The following CGRRF1 variants were observed in gnomAD, a reference collection of about 807,000 sequenced individuals.
The protein encoded by CGRRF1 is cell growth regulator with ring finger domain 1.
A neutral mutation model predicts 37.2 loss-of-function variants in CGRRF1; 32 were observed. That is an observed-to-expected ratio of 0.86 (90% CI 0.65 to 1.16). The LOEUF (loss-of-function observed/expected upper bound fraction) is 1.16, where lower values mean the gene tolerates loss of function less well. CGRRF1 is among the 50% of genes most tolerant of loss of function. The pLI is 0.00. For synonymous variants in CGRRF1, 141 were observed against 140.3 expected, an observed-to-expected ratio of 1.00 and a Z score of -0.04; for missense variants, 391 against 382.6, an observed-to-expected ratio of 1.02 and a Z score of -0.18.
intron 4 of CGRRF1, among the ~76,000 whole-genome samples, chr14:54,532,603 AAAAATAC>A (rs2032534079): frequency 6.6e-6 from 1 of 152,236 alleles, no homozygotes; most frequent in South Asian, 2.1e-4. Context: ...TATATACAAT[AAAAATAC>A]AAAATACAAA....
At chr14:54,522,921 T>C (rs1225047066) in intron 2 of CGRRF1, among the ~76,000 whole-genome samples, 2 of 152,230 alleles carry the variant, frequency 1.3e-5, no homozygotes, top group Non-Finnish European at 2.9e-5. Context: ...TGATGTGTTA[T>C]GTCTAAATAC....
At chr14:54,522,677 CTTCA>C in intron 2 of CGRRF1, 84 bp downstream of exon 2, 1 of 1,252,000 alleles carries the variant, frequency 8.0e-7, no homozygotes, top group South Asian at 1.5e-5. Context: ...ATTTCTTTCC[CTTCA>C]TTAGACTTTT....
intron 1 of CGRRF1, among the ~76,000 whole-genome samples, chr14:54,519,975 C>T (rs2032288095): frequency 1.3e-5 from 2 of 152,180 alleles, no homozygotes; most frequent in East Asian, 1.9e-4. Flanking sequence ...TTTCACGATG[C>T]CCTTCAAAGT....
rs2032483603 is a variant in CGRRF1 at position 54,530,064 on chromosome 14, C to T, written c.260C>T (p.Thr87Ile). The T allele has an allele frequency of 1.9e-6, 3 of 1,609,782 alleles. No individual in the cohort carries two copies. Among genetic ancestry groups the T allele is most frequent in the Non-Finnish European group, 2.5e-6 (3 of 1,176,794 alleles). The change falls in exon 3 of 6, where the codon ACA becomes ATA. Residue 87 changes from threonine (T) to isoleucine (I), a missense_variant. Coordinates refer to ENST00000216420, the MANE Select transcript of CGRRF1 (RefSeq NM_006568.3). ...SASITTGITLTTDCLEDSLLT... is the reference protein window; with the variant it reads ...SASITTGITLITDCLEDSLLT... ...TTTTTTACAGCTGGCATAACCTTGA[C>T]AACAGATTGCCTTGAAGATAGCCTC...
chr14:54,522,387 G>T, intron 1 of CGRRF1, 67 bp from the exon 2 acceptor site: 1 of 1,174,950 alleles, frequency 8.5e-7, no homozygotes. Flanking sequence ...AAGCACAACA[G>T]ATTTTACACA....
chr14:54,511,113 G>A (rs1174244247), intron 1 of CGRRF1, among the ~76,000 whole-genome samples: 1 of 152,322 alleles, frequency 6.6e-6, no homozygotes, highest in South Asian at 2.1e-4. Flanking sequence ...AGAAGGCTAC[G>A]TAAAACGAGT....
chr14:54,520,946 T>C lies in CGRRF1; in HGVS notation c.105-1508T>C, dbSNP rs543386081. Among the ~76,000 whole-genome samples the C allele has an allele frequency of 1.3e-3, 202 of 152,340 alleles. 1 individual carries two copies. Among genetic ancestry groups the C allele is most frequent in the African/African-American group, 4.8e-3 (200 of 41,584 alleles). Reference sequence around the variant, plus strand: ...CAAATAGGCTCCTAACTGTGCCGTCTTTAACTAAAATTTCCTAGTTTAACT... The same window carrying C: ...CAAATAGGCTCCTAACTGTGCCGTCCTTAACTAAAATTTCCTAGTTTAACT... On this transcript the variant is annotated intron_variant, in intron 1 of 5. Transcript: ENST00000216420.
Position 54,530,968 on chromosome 14 carries a change from T to C in CGRRF1, c.488T>C (p.Phe163Ser). 6.2e-7 allele frequency: 1 copy of C among 1,608,418 alleles called. No individual in the cohort carries two copies. Among genetic ancestry groups the C allele is most frequent in the Non-Finnish European group, 8.5e-7 (1 of 1,174,940 alleles). ...CCAAGAGATACTAAAATTGAAGACT[T>C]TGGTACAGTACCCAGATCTCGCTAT... ...QLPRDTKIED[F>S]GTVPRSRYPL... is the part of the protein sequence containing the mutation. Residue 163 changes from phenylalanine to serine, a missense_variant, in exon 4 of 6, where the codon TTT (phenylalanine) becomes TCT (serine). Phe to Ser is a radical substitution (Grantham distance 155, BLOSUM62 -2). Coordinates refer to ENST00000216420, the MANE Select transcript of CGRRF1 (RefSeq NM_006568.3).
chr14:54,534,384 A>C (rs1336457127), intron 4 of CGRRF1, among the ~76,000 whole-genome samples: 1 of 152,138 alleles, frequency 6.6e-6, no homozygotes, highest in African/African-American at 2.4e-5. Flanking sequence ...CGGCCTCCCA[A>C]AGTGCTGGGG....
chr14:54,528,931 A>G (rs986051483), intron 2 of CGRRF1, among the ~76,000 whole-genome samples: 1 of 152,188 alleles, frequency 6.6e-6, no homozygotes, highest in African/African-American at 2.4e-5. Flanking sequence ...TATCCTGTGG[A>G]GCATCTGCTT....
intron 1 of CGRRF1, among the ~76,000 whole-genome samples, chr14:54,516,116 A>G (rs938060234): frequency 1.8e-4 from 28 of 152,122 alleles, no homozygotes; most frequent in Non-Finnish European, 4.1e-4. Flanking sequence ...TTTATTAGCA[A>G]TAACTTTTTT....
At chr14:54,533,226 G>A (rs1475253957) in intron 4 of CGRRF1, among the ~76,000 whole-genome samples, 2 of 151,828 alleles carry the variant, frequency 1.3e-5, no homozygotes, top group Non-Finnish European at 2.9e-5. Context: ...TCAGTTCAGT[G>A]GCCTTTTAGG....
Position 54,537,783 on chromosome 14 carries a change from T to G in CGRRF1, c.632T>G (p.Leu211Trp). The change falls in exon 5 of 6, where the codon TTG (leucine) becomes TGG (tryptophan). Residue 211 changes from leucine to tryptophan, a missense_variant. Coordinates refer to ENST00000216420, the MANE Select transcript of CGRRF1 (RefSeq NM_006568.3). ...DRTYKLSCRI[L>W]YQYLLLAQGQ... The stretch of plus-strand genomic sequence containing the variant: ...ACTTATAAACTATCCTGCAGAATAT[T>G]GTATCAATATTTACTCTTGGCTCAA... The G allele has an allele frequency of 1.9e-6, 3 of 1,602,120 alleles. No individual in the cohort carries two copies. The highest frequency in any genetic ancestry group is 2.5e-6 in the Non-Finnish European group (3 of 1,176,858).
At chr14:54,513,583 T>TATGTCATGTTATGTTATGTTATGTA (rs1299751835) in intron 1 of CGRRF1, among the ~76,000 whole-genome samples, 2 of 137,208 alleles carry the variant, frequency 1.5e-5, no homozygotes, top group Admixed American at 7.3e-5. Context: ...TATGTTATGT[T>TATGTCATGTTATGTTATGTTATGTA]ATGTTATGTT....
chr14:54,512,578 T>G (rs1307322585), intron 1 of CGRRF1, among the ~76,000 whole-genome samples: 1 of 152,198 alleles, frequency 6.6e-6, no homozygotes, highest in Non-Finnish European at 1.5e-5. Context: ...AACTCTAAAC[T>G]ACATTTCTTC....
chr14:54,537,902 A>G (rs2032624962), intron 5 of CGRRF1, 73 bp downstream of exon 5: 5 of 1,533,432 alleles, frequency 3.3e-6, no homozygotes, highest in East Asian at 4.7e-5. Context: ...ATTTATGGAA[A>G]GGTGATTATA....
intron 2 of CGRRF1, among the ~76,000 whole-genome samples, chr14:54,525,278 C>G (rs527307906): frequency 6.6e-6 from 1 of 152,264 alleles, no homozygotes; most frequent in South Asian, 2.1e-4. Context: ...ACACAGGGCA[C>G]TTGTGAGGCA....
In CGRRF1 at chr14:54,530,232, C is replaced by T; in HGVS notation, c.422+6C>T. 1 of 1,587,070 alleles carries T rather than the reference C, an allele frequency of 6.3e-7. No individual in the cohort carries two copies. Among genetic ancestry groups the T allele is most frequent in the Non-Finnish European group, 8.6e-7 (1 of 1,159,248 alleles). ...CTCTATCAGGAACAGTATTTGTATC[C>T]TTTCGTCTGATATACCCATTAGCAC... is the stretch of plus-strand genomic sequence containing the variant. On this transcript the variant is annotated splice_donor_region_variant and intron_variant, in intron 3 of 5. Transcript: ENST00000216420.
In CGRRF1 at chr14:54,536,580, T is replaced by G. The variant is rs570131611; in HGVS notation, c.571-1142T>G. Reference sequence around the variant, plus strand: ...AGCTTCTGGATTTTTGTTACTTTGATGAGTGAATAATGGTGCAGTATTAAT... The same window carrying G: ...AGCTTCTGGATTTTTGTTACTTTGAGGAGTGAATAATGGTGCAGTATTAAT... On this transcript the variant is annotated intron_variant, in intron 4 of 5. Transcript: ENST00000216420. The G allele has an allele frequency of 1.2e-3, 184 of 152,322 alleles. 1 individual carries two copies. The highest frequency in any genetic ancestry group is 4.2e-3 in the African/African-American group (173 of 41,568). 9.4% of individuals were successfully genotyped at this position (152,322 alleles called of 1,614,324 possible). A position where few individuals can be genotyped will look rare whatever the true frequency, so the allele number is the denominator to read the frequency against.
Sources: gnomAD v4.1 joint callset for allele counts (sites outside exome capture counted in the v4.1 genomes callset) on GRCh38, gnomAD v4.1.1 for gene constraint, MANE v1.5 for transcripts, NCBI Gene and HGNC (gene_info 2026-07-23, HGNC 2026-07-21) for gene names.